The following RIMS1 variants were observed in gnomAD, a reference collection of about 807,000 sequenced individuals.
RIMS1 encodes regulating synaptic membrane exocytosis protein 1.
RIMS1 carries 83 observed loss-of-function variants against 214.1 expected under a neutral mutation model. The observed-to-expected ratio is 0.39, with a 90% CI of 0.32 to 0.47. RIMS1 has a LOEUF of 0.47. RIMS1 is among the 20% of genes least tolerant of loss of function. The pLI is 0.99. For missense variants in RIMS1, 2,050 were observed against 2,161.8 expected, an observed-to-expected ratio of 0.95 and a Z score of 1.03; for synonymous variants, 793 against 786.8, an observed-to-expected ratio of 1.01 and a Z score of -0.13.
intron 31 of RIMS1, among the ~76,000 whole-genome samples, chr6:72,397,666 G>A (rs1328431635): frequency 2.0e-5 from 3 of 152,148 alleles, no homozygotes; most frequent in African/African-American, 7.2e-5. Context: ...TACATACACT[G>A]CACTATAAAA....
At chr6:71,903,611 A>G (rs549502839) in intron 1 of RIMS1, among the ~76,000 whole-genome samples, 18 of 152,180 alleles carry the variant, frequency 1.2e-4, no homozygotes, top group Non-Finnish European at 2.5e-4. Flanking sequence ...CAATCTGACA[A>G]AGGTCTAATA....
intron 1 of RIMS1, among the ~76,000 whole-genome samples, chr6:71,889,203 C>G (rs1348611170): frequency 1.3e-5 from 2 of 152,126 alleles, no homozygotes; most frequent in Non-Finnish European, 2.9e-5. Context: ...GCCATCATGC[C>G]TCTTCATTGG....
chr6:72,219,528 T>A (rs1256393135), intron 6 of RIMS1, among the ~76,000 whole-genome samples: 1 of 152,130 alleles, frequency 6.6e-6, no homozygotes, highest in African/African-American at 2.4e-5. Context: ...TAAATTCTTA[T>A]GATGAACTGT....
rs1052052513 is a variant in RIMS1, at chr6:72,355,589, ATT to A, written c.4366+21759_4366+21760del. 1.4e-4 allele frequency among the ~76,000 whole-genome samples: 21 copies of A among 152,108 alleles called. 1 individual carries two copies. Among genetic ancestry groups the A allele is most frequent in the Non-Finnish European group, 4.4e-5 (3 of 68,002 alleles). On this transcript the variant is annotated intron_variant, in intron 29 of 33. Coordinates refer to ENST00000521978, the MANE Select transcript of RIMS1 (RefSeq NM_014989.7). ...AAAACACCTTTAGAACAAGCAGCTGATTTTTTACACTGAAAAATTGTGCAGCA... is the reference window on the plus strand; with the variant it reads ...AAAACACCTTTAGAACAAGCAGCTGATTTTACACTGAAAAATTGTGCAGCA...
At chr6:72,175,325 T>A in intron 4 of RIMS1, 1 of 363,846 alleles carries the variant, frequency 2.7e-6, no homozygotes, top group South Asian at 2.1e-5. Context: ...ATTCTTTATA[T>A]TATAATACTA....
intron 6 of RIMS1, chr6:72,213,226 A>C (rs935053684): frequency 2.0e-6 from 3 of 1,535,140 alleles, no homozygotes; most frequent in African/African-American, 2.7e-5. Context: ...GTTGCTGGTA[A>C]GCAATAGATA....
chr6:72,179,931 C>T lies in RIMS1; in HGVS notation c.812+16C>T, dbSNP rs536645397. On this transcript the variant is annotated intron_variant, in intron 5 of 33. Coordinates refer to ENST00000521978, the MANE Select transcript of RIMS1 (RefSeq NM_014989.7). The stretch of plus-strand genomic sequence containing the variant: ...CTAGAGAGAGGTAATAGTTCTTTCA[C>T]CCTGTAAGCAAAAGGCAAGATTTTG... 3.5e-5 allele frequency: 50 copies of T among 1,411,994 alleles called. No homozygotes were observed. The African/African-American group carries it at 6.0e-4, about 17-fold the overall frequency. The allele number at this position is 1,411,994 out of a possible 1,614,324, so 87.5% of individuals were successfully genotyped here. A position where few individuals can be genotyped will look rare whatever the true frequency, so the allele number is the denominator to read the frequency against.
At chr6:72,388,033 G>A (rs2098642131) in intron 29 of RIMS1, among the ~76,000 whole-genome samples, 1 of 152,152 alleles carries the variant, frequency 6.6e-6, no homozygotes, top group East Asian at 1.9e-4. Context: ...ACTATCAACA[G>A]TTTATACCCC....
intron 23 of RIMS1, among the ~76,000 whole-genome samples, chr6:72,282,390 C>T (rs1250453443): frequency 1.3e-5 from 2 of 151,930 alleles, no homozygotes; most frequent in Non-Finnish European, 2.9e-5. Flanking sequence ...GAATCTCTGC[C>T]CCCCTACCAC....
chr6:72,156,669 T>A (rs1228346989), intron 4 of RIMS1, among the ~76,000 whole-genome samples: 7 of 140,380 alleles, frequency 5.0e-5, no homozygotes, highest in African/African-American at 1.7e-4. Flanking sequence ...CTACTTAAGG[T>A]AATGGATATG....
chr6:71,990,633 C>T (rs1440472386), intron 2 of RIMS1, among the ~76,000 whole-genome samples: 4 of 150,854 alleles, frequency 2.7e-5, no homozygotes, highest in South Asian at 4.4e-4. Context: ...ATAAAGAAAT[C>T]GGAGATGGCT....
In RIMS1 at chr6:72,375,952, C is replaced by T. The variant is rs184494822; in HGVS notation, c.4367-14646C>T. Among the ~76,000 whole-genome samples the T allele has an allele frequency of 3.9e-3, 590 of 152,316 alleles. 3 individuals are homozygous for T. The highest frequency in any genetic ancestry group is 0.014 in the Middle Eastern group (4 of 294). Reference sequence around the variant, plus strand: ...AGTGGTAAATATCTCTGACCACATTCTTGCCTCTTGGTTTTATAAATGCAA... The same window carrying T: ...AGTGGTAAATATCTCTGACCACATTTTTGCCTCTTGGTTTTATAAATGCAA... On this transcript the variant is annotated intron_variant, in intron 29 of 33. Coordinates refer to ENST00000521978, the MANE Select transcript of RIMS1 (RefSeq NM_014989.7).
intron 6 of RIMS1, among the ~76,000 whole-genome samples, chr6:72,209,741 A>G (rs916423705): frequency 5.3e-5 from 8 of 152,034 alleles, no homozygotes; most frequent in African/African-American, 1.4e-4. Context: ...CTCTACTAAA[A>G]ATACAAAAAA....
At chr6:72,336,219 C>A (rs115382481) in intron 29 of RIMS1, among the ~76,000 whole-genome samples, 1,769 of 151,894 alleles carry the variant, frequency 0.012, 32 homozygotes, top group African/African-American at 0.039. Context: ...CTTTTCCCCT[C>A]TAGCTAGTTA....
At chr6:72,198,308 A>T (rs951158208) in intron 6 of RIMS1, among the ~76,000 whole-genome samples, 4 of 143,902 alleles carry the variant, frequency 2.8e-5, no homozygotes, top group Admixed American at 7.1e-5. Context: ...AGTAACATGG[A>T]TGGAACTGGA....
chr6:72,256,534 T>C (rs1433467023), intron 16 of RIMS1, among the ~76,000 whole-genome samples: 1 of 152,084 alleles, frequency 6.6e-6, no homozygotes, highest in Non-Finnish European at 1.5e-5. Flanking sequence ...ATACAAAATC[T>C]ATTTATATAC....
At chr6:71,999,495 G>A (rs2151708424) in intron 2 of RIMS1, among the ~76,000 whole-genome samples, 1 of 152,190 alleles carries the variant, frequency 6.6e-6, no homozygotes, top group Middle Eastern at 3.4e-3. Flanking sequence ...ATGTATTTGT[G>A]CTATCTTTGT....
intron 29 of RIMS1, among the ~76,000 whole-genome samples, chr6:72,353,769 A>C (rs991373812): frequency 6.6e-6 from 1 of 152,184 alleles, no homozygotes; most frequent in Non-Finnish European, 1.5e-5. Context: ...AGGCATGTAC[A>C]TTTATATATC....
intron 1 of RIMS1, among the ~76,000 whole-genome samples, chr6:71,932,849 G>A (rs1166617608): frequency 6.6e-6 from 1 of 151,742 alleles, no homozygotes; most frequent in East Asian, 1.9e-4. Flanking sequence ...TGACATGTTT[G>A]GAAAAAAATT....
Sources: gnomAD v4.1 joint callset for allele counts (sites outside exome capture counted in the v4.1 genomes callset) on GRCh38, gnomAD v4.1.1 for gene constraint, MANE v1.5 for transcripts, NCBI Gene and HGNC (gene_info 2026-07-23, HGNC 2026-07-21) for gene names.